C19orf73: variants seen among roughly 807,000 people sequenced by gnomAD.
The protein encoded by C19orf73 is chromosome 19 open reading frame 73.
For missense variants in C19orf73, 211 were observed against 177.6 expected (o/e 1.19, Z -1.07); for synonymous variants, 86 against 79.1 (o/e 1.09, Z -0.46).
chr19:49,119,089 C>A lies in C19orf73; in HGVS notation c.-67G>T, dbSNP rs1470337843. 8 of 1,598,190 alleles carry A rather than the reference C, an allele frequency of 5.0e-6. No homozygotes were observed. In the Admixed American group the frequency reaches 1.4e-4, roughly 28 times the overall value. ...GCTAGTGCGCGCCACTGCCGGGAGCCGGGGTCGCGACTCGCGTTCCACGCC... is the reference window on the plus strand; with the variant it reads ...GCTAGTGCGCGCCACTGCCGGGAGCAGGGGTCGCGACTCGCGTTCCACGCC... On this transcript the variant is annotated 5_prime_UTR_variant, in exon 1 of 1. Coordinates refer to ENST00000408991, the MANE Select transcript of C19orf73 (RefSeq NM_018111.3).
Position 49,119,095 on chromosome 19 carries a change from C to G in C19orf73, c.-73G>C, listed in dbSNP as rs917145530. The G allele has an allele frequency of 1.3e-6, 2 of 1,591,604 alleles. No homozygotes were observed. Among genetic ancestry groups the G allele is most frequent in the Admixed American group, 1.8e-5 (1 of 56,524 alleles). On this transcript the variant is annotated 5_prime_UTR_variant, in exon 1 of 1. Transcript: ENST00000408991. ...GCGCGCCACTGCCGGGAGCCGGGGT[C>G]GCGACTCGCGTTCCACGCCGCGCGC...
In C19orf73 at chr19:49,118,775, G is replaced by A. The variant is rs973248599; in HGVS notation, c.248C>T (p.Ser83Phe). The A allele has an allele frequency of 1.7e-5, 28 of 1,614,110 alleles. No individual in the cohort carries two copies. Among genetic ancestry groups the A allele is most frequent in the Non-Finnish European group, 2.4e-5 (28 of 1,180,046 alleles). The change falls in exon 1 of 1, where the codon TCC (serine) becomes TTC (phenylalanine). Residue 83 changes from serine to phenylalanine, a missense_variant. Transcript: ENST00000408991. Reference sequence around the variant, plus strand: ...CCTCCAGAGTCCTGAAACGCAGCCGGAGCCAGTGGGCGGCCTCTGTGTGGG... The same window carrying A: ...CCTCCAGAGTCCTGAAACGCAGCCGAAGCCAGTGGGCGGCCTCTGTGTGGG... ...APPTQRPPTG[S>F]GCVSGLWRKG...
rs767964027 is a variant in C19orf73 at position 49,118,841 on chromosome 19, C to T, written c.182G>A (p.Gly61Glu). Residue 61 changes from glycine to glutamate, a missense_variant, in exon 1 of 1, where the codon GGG becomes GAG. Transcript: ENST00000408991. ...TPTQTVVRPA[G>E]FPRRTRLMVR... ...CATTAGCCTCGTCCGCCGGGGGAACCCTGCAGGCCGCACTACTGTCTGCGT... is the reference window on the plus strand; with the variant it reads ...CATTAGCCTCGTCCGCCGGGGGAACTCTGCAGGCCGCACTACTGTCTGCGT... 9.3e-6 allele frequency: 15 copies of T among 1,613,378 alleles called. No individual in the cohort carries two copies. The highest frequency in any genetic ancestry group is 1.6e-4 in the Middle Eastern group (1 of 6,074).
rs1478727417 is a variant in C19orf73 at position 49,118,997 on chromosome 19, C to A, written c.26G>T (p.Gly9Val). MRLKVGFQ[G>V]GGCFRKDALC... ...CGCGTCTTTCCGGAAGCAGCCCCCG[C>A]CTTGAAATCCAACCTTTAGCCTCAT... The change falls in exon 1 of 1, where the codon GGC (glycine) becomes GTC (valine). Residue 9 changes from glycine to valine, a missense_variant. Gly to Val is a moderately radical substitution (Grantham distance 109, BLOSUM62 -3). Transcript: ENST00000408991. 6.2e-7 allele frequency: 1 copy of A among 1,613,596 alleles called. No individual in the cohort carries two copies. Among genetic ancestry groups the A allele is most frequent in the Non-Finnish European group, 8.5e-7 (1 of 1,179,870 alleles).
chr19:49,118,617 G>T lies in C19orf73; in HGVS notation c.*16C>A. The T allele has an allele frequency of 6.3e-7, 1 of 1,598,130 alleles. No individual in the cohort carries two copies. The highest frequency in any genetic ancestry group is 8.5e-7 in the Non-Finnish European group (1 of 1,170,442). On this transcript the variant is annotated 3_prime_UTR_variant, in exon 1 of 1. Coordinates refer to ENST00000408991, the MANE Select transcript of C19orf73 (RefSeq NM_018111.3). ...TCCCTAGGTCTGAAGGCGGAGACAG[G>T]CCGGCTTCCAAGAGACTAGTCCGAG...
rs1600313364 is a variant in C19orf73 at position 49,118,607 on chromosome 19, G to A, written c.*26C>T. 6.3e-7 allele frequency: 1 copy of A among 1,594,338 alleles called. No homozygotes were observed. The highest frequency in any genetic ancestry group is 1.3e-5 in the African/African-American group (1 of 74,464). ...TTAAGACCTCTCCCTAGGTCTGAAG[G>A]CGGAGACAGGCCGGCTTCCAAGAGA... is the stretch of plus-strand genomic sequence containing the variant. On this transcript the variant is annotated 3_prime_UTR_variant, in exon 1 of 1. Transcript: ENST00000408991.
rs760721183 is a variant in C19orf73 at position 49,118,600 on chromosome 19, T to C, written c.*33A>G. On this transcript the variant is annotated 3_prime_UTR_variant, in exon 1 of 1. Transcript: ENST00000408991. ...ACAGAGGTTAAGACCTCTCCCTAGGTCTGAAGGCGGAGACAGGCCGGCTTC... is the reference window on the plus strand; with the variant it reads ...ACAGAGGTTAAGACCTCTCCCTAGGCCTGAAGGCGGAGACAGGCCGGCTTC... 1 of 1,591,050 alleles carries C rather than the reference T, an allele frequency of 6.3e-7. No individual in the cohort carries two copies. The highest frequency in any genetic ancestry group is 8.6e-7 in the Non-Finnish European group (1 of 1,167,164).
rs756786968 is a variant in C19orf73, at chr19:49,118,848, G to C, written c.175C>G (p.Pro59Ala). 3.7e-6 allele frequency: 6 copies of C among 1,613,388 alleles called. No homozygotes were observed. The highest frequency in any genetic ancestry group is 5.1e-6 in the Non-Finnish European group (6 of 1,179,580). ...CTCGTCCGCCGGGGGAACCCTGCAGGCCGCACTACTGTCTGCGTGGGAGTC... is the reference window on the plus strand; with the variant it reads ...CTCGTCCGCCGGGGGAACCCTGCAGCCCGCACTACTGTCTGCGTGGGAGTC... ...PATPTQTVVR[P>A]AGFPRRTRLM... The change falls in exon 1 of 1, where the codon CCT becomes GCT. Residue 59 changes from proline (P) to alanine (A), a missense_variant. By Grantham distance (27) the Pro-to-Ala change is conservative. Coordinates refer to ENST00000408991, the MANE Select transcript of C19orf73 (RefSeq NM_018111.3).
Position 49,119,079 on chromosome 19 carries a change from T to C in C19orf73, c.-57A>G. ...CGGCGCGAGGGCTAGTGCGCGCCAC[T>C]GCCGGGAGCCGGGGTCGCGACTCGC... On this transcript the variant is annotated 5_prime_UTR_variant, in exon 1 of 1. Coordinates refer to ENST00000408991, the MANE Select transcript of C19orf73 (RefSeq NM_018111.3). 1 of 1,603,918 alleles carries C rather than the reference T, an allele frequency of 6.2e-7. No individual in the cohort carries two copies. The highest frequency in any genetic ancestry group is 8.5e-7 in the Non-Finnish European group (1 of 1,174,884).
the C19orf73 span, chr19:49,118,658 CA>C: frequency 3.1e-6 from 5 of 1,611,372 alleles, no homozygotes; most frequent in Admixed American, 8.4e-5. Flanking sequence ...AGGGCGGAGG[CA>C]GGGACCCAGT....
In C19orf73 at chr19:49,118,569, C is replaced by G. The variant is rs1032592216; in HGVS notation, c.*64G>C. The G allele has an allele frequency of 5.4e-5, 85 of 1,573,742 alleles. No homozygotes were observed. The African/African-American group carries it at 1.1e-3, about 20-fold the overall frequency. ...GCCGTTGAGAAGCCTTTTCCAGAGT[C>G]TGAGAACAGAGGTTAAGACCTCTCC... On this transcript the variant is annotated 3_prime_UTR_variant, in exon 1 of 1. Transcript: ENST00000408991.
Position 49,118,478 on chromosome 19 carries a change from T to C in C19orf73, c.*155A>G. 6.4e-7 allele frequency: 1 copy of C among 1,567,414 alleles called. No individual in the cohort carries two copies. On this transcript the variant is annotated 3_prime_UTR_variant, in exon 1 of 1. Coordinates refer to ENST00000408991, the MANE Select transcript of C19orf73 (RefSeq NM_018111.3). ...GACCCTCACTGAGTGTCTGTGTGTC[T>C]GTCCTGCATCCCTGGGTTGGTGTCT...
rs1600313157 is a variant in C19orf73, at chr19:49,118,520, T to G, written c.*113A>C. 6.4e-7 allele frequency: 1 copy of G among 1,568,074 alleles called. No individual in the cohort carries two copies. Among genetic ancestry groups the G allele is most frequent in the South Asian group, 1.1e-5 (1 of 87,272 alleles). The stretch of plus-strand genomic sequence containing the variant: ...TTGGTGTCTTGAGATGTGGAGGGAA[T>G]GCGAGGAGCTGAGGTCAGGCCAAGC... On this transcript the variant is annotated 3_prime_UTR_variant, in exon 1 of 1. Transcript: ENST00000408991.
rs779834916 is a variant in C19orf73, at chr19:49,118,625, C to T, written c.*8G>A. On this transcript the variant is annotated 3_prime_UTR_variant, in exon 1 of 1. Transcript: ENST00000408991. The stretch of plus-strand genomic sequence containing the variant: ...TCTGAAGGCGGAGACAGGCCGGCTT[C>T]CAAGAGACTAGTCCGAGGGCGGAGG... The T allele has an allele frequency of 1.2e-6, 2 of 1,602,890 alleles. No homozygotes were observed. Among genetic ancestry groups the T allele is most frequent in the Non-Finnish European group, 1.7e-6 (2 of 1,173,098 alleles).
Position 49,119,011 on chromosome 19 carries a change from C to T in C19orf73, c.12G>A (p.Lys4=), listed in dbSNP as rs754097788. 48 of 1,613,490 alleles carry T rather than the reference C, an allele frequency of 3.0e-5. No individual in the cohort carries two copies. The highest frequency in any genetic ancestry group is 1.6e-4 in the Middle Eastern group (1 of 6,084). The change falls in exon 1 of 1, where the codon AAG becomes AAA. Residue 4 remains lysine, a synonymous_variant. Transcript: ENST00000408991. ...AGCAGCCCCCGCCTTGAAATCCAAC[C>T]TTTAGCCTCATCCCGCTGCCCGCCC... MRL[K]VGFQGGGCFR... is the part of the protein sequence containing the mutation.
Position 49,118,664 on chromosome 19 carries a change from C to T in C19orf73, c.359G>A (p.Gly120Asp). The change falls in exon 1 of 1, where the codon GGT becomes GAT. Residue 120 changes from glycine to aspartate, a missense_variant. Physicochemically the swap from Gly to Asp is moderately conservative, Grantham distance 94. Coordinates refer to ENST00000408991, the MANE Select transcript of C19orf73 (RefSeq NM_018111.3). ...CGAGGGCGGAGGGCGGAGGCAGGGA[C>T]CCAGTCTGGGTCTGAGTGCTGGGGC... is the stretch of plus-strand genomic sequence containing the variant. The part of the protein sequence containing the change: ...SSAPALRPRL[G>D]PCLRPPPSD The T allele has an allele frequency of 1.9e-6, 3 of 1,612,576 alleles. No homozygotes were observed. The South Asian group carries it at 3.3e-5, about 18-fold the overall frequency.
At position 49,118,747 on chromosome 19, in the gene C19orf73, C is replaced by T. The variant is rs1246179331; in HGVS notation, c.276G>A (p.Lys92=). The T allele has an allele frequency of 1.2e-6, 2 of 1,614,242 alleles. No homozygotes were observed. Among genetic ancestry groups the T allele is most frequent in the Admixed American group, 1.7e-5 (1 of 60,030 alleles). Residue 92 remains lysine (K), a synonymous_variant, in exon 1 of 1, where the codon AAG becomes AAA. Coordinates refer to ENST00000408991, the MANE Select transcript of C19orf73 (RefSeq NM_018111.3). The part of the protein sequence containing the change: ...GSGCVSGLWR[K]GLGLRPQTLL... The stretch of plus-strand genomic sequence containing the variant: ...GCGTCTGAGGGCGAAGGCCAAGTCC[C>T]TTCCTCCAGAGTCCTGAAACGCAGC...
chr19:49,118,932 C>G lies in C19orf73; in HGVS notation c.91G>C (p.Ala31Pro), dbSNP rs776286009. The G allele has an allele frequency of 6.2e-7, 1 of 1,613,458 alleles. No homozygotes were observed. The highest frequency in any genetic ancestry group is 1.1e-5 in the South Asian group (1 of 91,066). The stretch of plus-strand genomic sequence containing the variant: ...GGGCGCAGGGGTGCAGAATGAGGTG[C>G]CCTCGCCCACCGGGCGCTCACTCCA... ...EGGVSARWAR[A>P]PHSAPLRPPR... is the part of the protein sequence containing the mutation. The change falls in exon 1 of 1, where the codon GCA becomes CCA. Residue 31 changes from alanine to proline, a missense_variant. Coordinates refer to ENST00000408991, the MANE Select transcript of C19orf73 (RefSeq NM_018111.3).
Position 49,119,130 on chromosome 19 carries a change from C to T in C19orf73, c.-108G>A. 6.8e-7 allele frequency: 1 copy of T among 1,473,024 alleles called. No individual in the cohort carries two copies. The highest frequency in any genetic ancestry group is 9.2e-7 in the Non-Finnish European group (1 of 1,087,852). 91.2% of individuals were successfully genotyped at this position (1,473,024 alleles called of 1,614,324 possible). A position where few individuals can be genotyped will look rare whatever the true frequency, so the allele number is the denominator to read the frequency against. On this transcript the variant is annotated 5_prime_UTR_variant, in exon 1 of 1. Transcript: ENST00000408991. ...GTTCCACGCCGCGCGCTACTCGCTC[C>T]AGGTGACATCATCCCCCTGCCGGGC...
Sources: gnomAD v4.1 joint callset for allele counts on GRCh38, gnomAD v4.1.1 for gene constraint, MANE v1.5 for transcripts, NCBI Gene and HGNC (gene_info 2026-07-23, HGNC 2026-07-21) for gene names.